Variants in EXOSC7 observed in about 807,000 individuals in gnomAD.
The protein encoded by EXOSC7 is exosome component 7.
A neutral mutation model predicts 34.3 loss-of-function variants in EXOSC7; 25 were observed. That is an observed-to-expected ratio of 0.73 (90% confidence interval 0.53 to 1.02). The LOEUF is 1.02. Ranked by LOEUF, EXOSC7 falls within the 50% of genes least tolerant of loss-of-function variation. EXOSC7 has a pLI of 0.00. For synonymous variants in EXOSC7, 130 were observed against 143.0 expected (o/e 0.91, Z 0.65); for missense variants, 370 against 368.5 (o/e 1.00, Z -0.03).
chr3:45,007,613 C>T, intron 7 of EXOSC7, 38 bp downstream of exon 7: 2 of 1,543,592 alleles, frequency 1.3e-6, no homozygotes, highest in South Asian at 1.2e-5. Flanking sequence ...AGGGACCTGG[C>T]CGGGGTGCCT....
intron 6 of EXOSC7, among the ~76,000 whole-genome samples, chr3:45,005,940 A>G (rs2125973016): frequency 6.6e-6 from 1 of 152,218 alleles, no homozygotes; most frequent in Non-Finnish European, 1.5e-5. Flanking sequence ...GATTGTAGCT[A>G]ATTCCACTCA....
rs759177646 is a variant in EXOSC7 at position 45,011,317 on chromosome 3, AG to A, written c.855del (p.Val287LeufsTer?). 6.8e-6 allele frequency: 11 copies of A among 1,612,152 alleles called. No homozygotes were observed. The highest frequency in any genetic ancestry group is 5.4e-5 in the African/African-American group (4 of 74,736). On this transcript the variant is annotated frameshift_variant, in exon 8 of 8. Coordinates refer to ENST00000265564, the MANE Select transcript of EXOSC7 (RefSeq NM_015004.4). LOFTEE classifies it high-confidence loss of function. ...GAAGAAAGCCTGGGGCCCAAGAGACAGAAAGTTGGATTCCTGGGATGATTTG... is the reference window on the plus strand; with the variant it reads ...GAAGAAAGCCTGGGGCCCAAGAGACAAAAGTTGGATTCCTGGGATGATTTG... Reference protein sequence around the residue: ...HKEESLGPKRQKVGFLG With the variant: ...HKEESLGPKRXKVGFLG
chr3:45,011,689 A>G (rs551075251), downstream of EXOSC7, among the ~76,000 whole-genome samples: 122 of 152,372 alleles, frequency 8.0e-4, 1 homozygote, highest in African/African-American at 2.1e-3. Context: ...AACTTTAAAA[A>G]TAAGAATCAC....
At chr3:45,005,508 G>A (rs1431305542) in intron 6 of EXOSC7, 94 bp downstream of exon 6, 2 of 1,285,446 alleles carry the variant, frequency 1.6e-6, no homozygotes, top group East Asian at 2.3e-5. Flanking sequence ...TTAAGAAGTT[G>A]TAATACCACA....
At chr3:45,001,175 C>T (rs895173000) in intron 4 of EXOSC7, among the ~76,000 whole-genome samples, 2 of 152,022 alleles carry the variant, frequency 1.3e-5, no homozygotes, top group Non-Finnish European at 2.9e-5. Context: ...GTGTCCTGGC[C>T]GGGCGTGGTG....
At chr3:44,978,705 G>T (rs943016613) in intron 1 of EXOSC7, among the ~76,000 whole-genome samples, 1 of 152,196 alleles carries the variant, frequency 6.6e-6, no homozygotes, top group East Asian at 1.9e-4. Flanking sequence ...TGGTGAGTCT[G>T]TAAATCCTCA....
intron 4 of EXOSC7, among the ~76,000 whole-genome samples, chr3:44,999,364 A>G (rs1409298065): frequency 1.3e-5 from 2 of 152,178 alleles, no homozygotes; most frequent in African/African-American, 4.8e-5. Context: ...GGTTTTGCTT[A>G]TTTTGGAAGA....
At position 45,005,308 on chromosome 3, in the gene EXOSC7, T is replaced by C. The variant is rs1258043190; in HGVS notation, c.509T>C (p.Val170Ala). The C allele has an allele frequency of 1.2e-6, 2 of 1,614,042 alleles. No homozygotes were observed. Among genetic ancestry groups the C allele is most frequent in the Non-Finnish European group, 1.7e-6 (2 of 1,179,964 alleles). The part of the protein sequence containing the change: ...LFNTRIPRVR[V>A]LEDEEGSKDI... ...GCTTCCAGGATACCAAGGGTTCGAG[T>C]TTTGGAGGATGAAGAGGGGTCGAAG... Residue 170 changes from valine to alanine, a missense_variant, in exon 6 of 8, where the codon GTT becomes GCT. Val to Ala is a moderately conservative substitution (Grantham distance 64). Around this residue, in one of 3 missense-constraint regions of EXOSC7, gnomAD observed 255 missense variants for 246.4 expected, o/e 1.03. Transcript: ENST00000265564.
intron 7 of EXOSC7, among the ~76,000 whole-genome samples, chr3:45,009,362 C>T (rs1354835377): frequency 2.0e-5 from 3 of 152,192 alleles, no homozygotes; most frequent in Admixed American, 6.5e-5. Flanking sequence ...CACCCCTAGC[C>T]TCTGCAGTTG....
At chr3:44,976,891 C>G (rs1418338895) in intron 1 of EXOSC7, among the ~76,000 whole-genome samples, 1 of 152,190 alleles carries the variant, frequency 6.6e-6, no homozygotes, top group African/African-American at 2.4e-5. Context: ...TCCTGACCAA[C>G]ATGGTGAAAC....
In EXOSC7 at chr3:44,976,299, G is replaced by T; in HGVS notation, c.22G>T (p.Glu8Ter). The T allele has an allele frequency of 6.4e-7, 1 of 1,562,142 alleles. No homozygotes were observed. Among genetic ancestry groups the T allele is most frequent in the Non-Finnish European group, 8.6e-7 (1 of 1,161,066 alleles). ...CAGCATGGCGTCCGTGACGCTGAGC[G>T]AGGCGGAGAAGGTGTACATCGTGCA... MASVTLS[E>*]AEKVYIVHGV... Residue 8 changes from glutamate (E) to a stop codon, truncating the protein, a stop_gained, in exon 1 of 8, where the codon GAG (glutamate) becomes TAG (stop). Coordinates refer to ENST00000265564, the MANE Select transcript of EXOSC7 (RefSeq NM_015004.4). LOFTEE classifies it high-confidence loss of function.
chr3:45,003,207 T>C (rs993502857), intron 5 of EXOSC7, among the ~76,000 whole-genome samples: 8 of 152,158 alleles, frequency 5.3e-5, no homozygotes, highest in African/African-American at 1.9e-4. Context: ...CCCCCTGGTA[T>C]GTGGAGAGAC....
At chr3:44,987,336 G>C (rs1330737748) in intron 1 of EXOSC7, among the ~76,000 whole-genome samples, 1 of 152,222 alleles carries the variant, frequency 6.6e-6, no homozygotes, top group Non-Finnish European at 1.5e-5. Context: ...TATAGTGATA[G>C]CTCACAAACT....
At chr3:45,004,059 A>G (rs1706960140) in intron 5 of EXOSC7, 1 of 152,108 alleles carries the variant, frequency 6.6e-6, no homozygotes, top group African/African-American at 2.4e-5. Flanking sequence ...ACAAATAGGG[A>G]TGGGCATCAT....
At chr3:44,991,053 AG>A (rs1706557833) in intron 3 of EXOSC7, among the ~76,000 whole-genome samples, 1 of 152,244 alleles carries the variant, frequency 6.6e-6, no homozygotes, top group Non-Finnish European at 1.5e-5. Context: ...AGAGAGAGTA[AG>A]TGACTACCCC....
At chr3:45,004,773 G>C (rs888214890) in intron 5 of EXOSC7, 2 of 151,652 alleles carry the variant, frequency 1.3e-5, no homozygotes, top group African/African-American at 2.4e-5. Flanking sequence ...TTGTTTAATA[G>C]GAATTCTTTA....
intron 3 of EXOSC7, among the ~76,000 whole-genome samples, chr3:44,996,491 G>T (rs1353169220): frequency 6.6e-6 from 1 of 152,164 alleles, no homozygotes; most frequent in Non-Finnish European, 1.5e-5. Flanking sequence ...TCTTTCCCTT[G>T]CTTTCTTTCA....
chr3:45,008,217 G>T (rs571477552), intron 7 of EXOSC7, among the ~76,000 whole-genome samples: 1 of 152,232 alleles, frequency 6.6e-6, no homozygotes, highest in African/African-American at 2.4e-5. Context: ...CTGTTTCCCA[G>T]ACCTTCTTTC....
chr3:44,983,300 C>T (rs1706322334), intron 1 of EXOSC7, among the ~76,000 whole-genome samples: 1 of 152,134 alleles, frequency 6.6e-6, no homozygotes, highest in Non-Finnish European at 1.5e-5. Flanking sequence ...TTAATGCATG[C>T]CCCCAGAAGC....
Sources: gnomAD v4.1 joint callset for allele counts (sites outside exome capture counted in the v4.1 genomes callset) on GRCh38, gnomAD v4.1.1 for gene constraint, gnomAD v4.1.1 regional missense constraint, MANE v1.5 for transcripts, NCBI Gene and HGNC (gene_info 2026-07-23, HGNC 2026-07-21) for gene names.